KHDRBS2: variants seen among roughly 807,000 people sequenced by gnomAD.
KHDRBS2 encodes the protein KH RNA binding domain containing, signal transduction associated 2.
KHDRBS2 carries 26 observed loss-of-function variants against 44.3 expected under a neutral mutation model. The ratio of observed to expected loss-of-function variants is 0.59; its 90% confidence interval spans 0.43 to 0.81. The LOEUF (loss-of-function observed/expected upper bound fraction) is 0.81, where lower values mean the gene tolerates loss of function less well. KHDRBS2 is among the 40% of genes least tolerant of loss of function. The pLI is 0.00. For missense variants in KHDRBS2, 476 were observed against 433.1 expected, an observed-to-expected ratio of 1.10 and a Z score of -0.88; for synonymous variants, 194 against 151.1, an observed-to-expected ratio of 1.28 and a Z score of -2.08.
At chr6:61,585,164 G>A in the KHDRBS2 span, among the ~76,000 whole-genome samples, 2 of 151,766 alleles carry the variant, frequency 1.3e-5, no homozygotes, top group African/African-American at 4.8e-5. Flanking sequence ...ACCCATTGTG[G>A]ATTTGTGCCT....
intron 6 of KHDRBS2, among the ~76,000 whole-genome samples, chr6:61,863,732 T>C (rs980490516): frequency 2.6e-5 from 4 of 152,094 alleles, no homozygotes; most frequent in South Asian, 2.1e-4. Flanking sequence ...TAAGTGCCAA[T>C]TGGCAATGAG....
At chr6:62,167,712 G>A (rs1418221387) in intron 2 of KHDRBS2, among the ~76,000 whole-genome samples, 1 of 152,160 alleles carries the variant, frequency 6.6e-6, no homozygotes, top group African/African-American at 2.4e-5. Context: ...AAGCAATGCT[G>A]TGCAGTGGTC....
At chr6:61,608,555 A>T in the KHDRBS2 span, among the ~76,000 whole-genome samples, 2 of 152,000 alleles carry the variant, frequency 1.3e-5, no homozygotes, top group African/African-American at 4.8e-5. Context: ...CATCATCTAC[A>T]TTAAGTATCC....
chr6:61,554,318 A>C, the KHDRBS2 span, among the ~76,000 whole-genome samples: 3 of 152,140 alleles, frequency 2.0e-5, no homozygotes, highest in African/African-American at 7.2e-5. Context: ...TGAAATTAGA[A>C]GAGCAACCCC....
intron 6 of KHDRBS2, among the ~76,000 whole-genome samples, chr6:61,839,982 T>C (rs147688218): frequency 6.6e-6 from 1 of 152,264 alleles, no homozygotes; most frequent in African/African-American, 2.4e-5. Flanking sequence ...TATGCACTAA[T>C]GATTAAGCAA....
At chr6:62,003,056 CT>C (rs1305821317) in intron 3 of KHDRBS2, among the ~76,000 whole-genome samples, 1 of 151,816 alleles carries the variant, frequency 6.6e-6, no homozygotes, top group African/African-American at 2.4e-5. Flanking sequence ...CAAAATTATA[CT>C]TTTTTTTCCA....
At chr6:61,556,318 C>T in the KHDRBS2 span, among the ~76,000 whole-genome samples, 1 of 152,138 alleles carries the variant, frequency 6.6e-6, no homozygotes, top group Admixed American at 6.5e-5. Context: ...GGCGGGGGTG[C>T]CAATGTCCAT....
intron 3 of KHDRBS2, among the ~76,000 whole-genome samples, chr6:61,984,713 T>C (rs1774691844): frequency 3.3e-5 from 5 of 152,260 alleles, no homozygotes; most frequent in Admixed American, 2.6e-4. Context: ...TACTCAGTAC[T>C]GAGCAACTGC....
At chr6:62,161,956 T>C (rs909348939) in intron 2 of KHDRBS2, among the ~76,000 whole-genome samples, 5 of 152,024 alleles carry the variant, frequency 3.3e-5, no homozygotes, top group Admixed American at 2.6e-4. Flanking sequence ...AATTACATCT[T>C]TATATATTAT....
chr6:61,575,275 CAAAT>C, the KHDRBS2 span, among the ~76,000 whole-genome samples: 20 of 152,148 alleles, frequency 1.3e-4, no homozygotes, highest in African/African-American at 4.3e-4. Context: ...AAGAAAAACA[CAAAT>C]AATCCCATCA....
rs867700914 is a variant in KHDRBS2, at chr6:62,064,590, G to A, written c.220-16596C>T. On this transcript the variant is annotated intron_variant, in intron 2 of 8. Coordinates refer to ENST00000281156, the MANE Select transcript of KHDRBS2 (RefSeq NM_152688.4). ...ACTGGCTAGCCATATGTAGAAAGCT[G>A]AAACTGGATCCCTTCCTTACACCTT... 8.7e-5 allele frequency among the ~76,000 whole-genome samples: 13 copies of A among 148,704 alleles called. No homozygotes were observed. In the South Asian group the frequency reaches 2.2e-3, roughly 25 times the overall value.
chr6:61,867,870 C>A (rs754494693), intron 6 of KHDRBS2, among the ~76,000 whole-genome samples: 42 of 152,138 alleles, frequency 2.8e-4, no homozygotes, highest in Admixed American at 2.2e-3. Flanking sequence ...CCCAAACGTA[C>A]CTGTAGGAGG....
At chr6:62,161,517 C>CAAAT (rs1227004644) in intron 2 of KHDRBS2, among the ~76,000 whole-genome samples, 1 of 124,700 alleles carries the variant, frequency 8.0e-6, no homozygotes, top group African/African-American at 3.2e-5. Flanking sequence ...AGGTTGTATG[C>CAAAT]AAATACTAGG....
intron 6 of KHDRBS2, among the ~76,000 whole-genome samples, chr6:61,781,788 A>G (rs1355625802): frequency 6.6e-6 from 1 of 152,146 alleles, no homozygotes; most frequent in Non-Finnish European, 1.5e-5. Flanking sequence ...GGTAGACGTT[A>G]TCAATAAATC....
At chr6:62,155,173 G>GA (rs926290648) in intron 2 of KHDRBS2, among the ~76,000 whole-genome samples, 2 of 151,382 alleles carry the variant, frequency 1.3e-5, no homozygotes, top group African/African-American at 4.9e-5. Context: ...TGGGTTTAGA[G>GA]AAAAAAAATG....
chr6:61,943,951 A>T lies in KHDRBS2; in HGVS notation c.483+34115T>A, dbSNP rs61667343. ...CAGGGAAATGCAAATGAAAACCACAATGAGGTATCAACTCATCCCTGTTAG... is the reference window on the plus strand; with the variant it reads ...CAGGGAAATGCAAATGAAAACCACATTGAGGTATCAACTCATCCCTGTTAG... On this transcript the variant is annotated intron_variant, in intron 4 of 8. Transcript: ENST00000281156. Among the ~76,000 whole-genome samples the T allele has an allele frequency of 5.9e-5, 9 of 152,160 alleles. No individual in the cohort carries two copies. The East Asian group carries it at 9.6e-4, about 16-fold the overall frequency.
chr6:61,764,080 GT>G (rs1779649827), intron 6 of KHDRBS2, among the ~76,000 whole-genome samples: 1 of 152,100 alleles, frequency 6.6e-6, no homozygotes, highest in Non-Finnish European at 1.5e-5. Context: ...AACATGTGGT[GT>G]TTGGTGGTTT....
At chr6:62,223,405 T>G (rs1831229688) in intron 1 of KHDRBS2, among the ~76,000 whole-genome samples, 1 of 152,208 alleles carries the variant, frequency 6.6e-6, no homozygotes, top group South Asian at 2.1e-4. Context: ...CATTTTCTCC[T>G]AGGCCTCTGG....
chr6:61,717,752 T>C (rs1414817395), intron 7 of KHDRBS2, among the ~76,000 whole-genome samples: 1 of 152,112 alleles, frequency 6.6e-6, no homozygotes, highest in Non-Finnish European at 1.5e-5. Flanking sequence ...ACATATAGCC[T>C]AAAAACAGTA....
Sources: gnomAD v4.1 joint callset for allele counts (sites outside exome capture counted in the v4.1 genomes callset) on GRCh38, gnomAD v4.1.1 for gene constraint, MANE v1.5 for transcripts, NCBI Gene and HGNC (gene_info 2026-07-23, HGNC 2026-07-21) for gene names.